Variants in STS observed in about 807,000 individuals in gnomAD.
STS encodes steryl-sulfatase.
STS carries 7 observed loss-of-function variants against 26.8 expected under a neutral mutation model. That is an observed-to-expected ratio of 0.26 (90% confidence interval 0.15 to 0.49). The LOEUF (loss-of-function observed/expected upper bound fraction) is 0.49. STS is among the 20% of genes least tolerant of loss of function. STS has a pLI of 0.98. For synonymous variants in STS, 199 were observed against 189.4 expected (o/e 1.05, Z -0.42); for missense variants, 434 against 465.6 (o/e 0.93, Z 0.63).
chrX:7,157,933 G>A (rs1601619218), intron 1 of STS, among the ~76,000 whole-genome samples: 1 of 112,055 alleles, frequency 8.9e-6, no homozygotes, highest in Middle Eastern at 4.6e-3. Flanking sequence ...ATGGCATTCT[G>A]TAGGAATTTT....
intron 2 of STS, among the ~76,000 whole-genome samples, chrX:7,193,466 G>A (rs1357590594): frequency 1.9e-5 from 2 of 105,077 alleles, no homozygotes; most frequent in African/African-American, 7.0e-5. Context: ...TTTTTTTTCG[G>A]TCATTTTAGT....
rs771583175 is a variant in STS at position 7,325,430 on chromosome X, G to C, written c.1173G>C (p.Glu391Asp). The C allele has an allele frequency of 1.7e-6, 2 of 1,211,457 alleles. No homozygotes were observed. Among genetic ancestry groups the C allele is most frequent in the South Asian group, 1.8e-5 (1 of 56,978 alleles). Residue 391 changes from glutamate (E) to aspartate (D), a missense_variant, in exon 9 of 11, where the codon GAG becomes GAC. This residue lies in a region of STS where 205 missense variants were observed against 177.3 expected (regional missense o/e 1.16). Coordinates refer to ENST00000674429, the MANE Select transcript of STS (RefSeq NM_001320752.2). ...RVIQAGQKIDEPTSNMDIFPT... is the reference protein window; with the variant it reads ...RVIQAGQKIDDPTSNMDIFPT... ...TACAGGCTGGCCAGAAGATTGATGAGCCCACTAGCAACATGGACATATTTC... is the reference window on the plus strand; with the variant it reads ...TACAGGCTGGCCAGAAGATTGATGACCCCACTAGCAACATGGACATATTTC...
chrX:7,195,984 G>A (rs1307098986), intron 2 of STS, among the ~76,000 whole-genome samples: 4 of 112,469 alleles, frequency 3.6e-5, no homozygotes, highest in African/African-American at 6.5e-5. Context: ...CATCTTAGCC[G>A]TGATTTCTTT....
rs184960814 is a variant in STS, at chrX:7,168,253, T to C, written c.-134+20170T>C. Among the ~76,000 whole-genome samples the C allele has an allele frequency of 1.4e-4, 16 of 111,153 alleles. No homozygotes were observed. In the East Asian group the frequency reaches 4.6e-3, roughly 32 times the overall value. On this transcript the variant is annotated intron_variant, in intron 1 of 10. Coordinates refer to ENST00000674429, the MANE Select transcript of STS (RefSeq NM_001320752.2). ...GTGAGTGCACCTGGGAACTGAATTA[T>C]AATGTAGGGAAAAATGTGTTCTGAG... is the stretch of plus-strand genomic sequence containing the variant.
chrX:7,237,279 A>G (rs1407228205), intron 2 of STS, among the ~76,000 whole-genome samples: 5 of 109,309 alleles, frequency 4.6e-5, no homozygotes, highest in Non-Finnish European at 7.6e-5. Context: ...AAGGCCTTTT[A>G]AATACAAACA....
intron 7 of STS, among the ~76,000 whole-genome samples, chrX:7,286,690 C>G (rs1487429305): frequency 9.0e-6 from 1 of 111,682 alleles, no homozygotes; most frequent in Non-Finnish European, 1.9e-5. Context: ...ATGCGTGATT[C>G]TCTTTCCACG....
intron 10 of STS, among the ~76,000 whole-genome samples, chrX:7,340,672 A>T (rs1391825267): frequency 8.9e-6 from 1 of 112,224 alleles, no homozygotes; most frequent in Non-Finnish European, 1.9e-5. Flanking sequence ...CAATAAAAAA[A>T]AACAGTAGTT....
intron 2 of STS, among the ~76,000 whole-genome samples, chrX:7,248,093 A>C (rs1458301815): frequency 8.9e-6 from 1 of 111,959 alleles, no homozygotes; most frequent in African/African-American, 3.2e-5. Flanking sequence ...CTACTTCAAA[A>C]TGTTATTGAT....
chrX:7,189,678 C>A (rs1411497120), intron 1 of STS, among the ~76,000 whole-genome samples: 1 of 112,412 alleles, frequency 8.9e-6, no homozygotes, highest in Non-Finnish European at 1.9e-5. Context: ...CAGAAAACAT[C>A]TATTGAGTGT....
At chrX:7,161,376 G>T (rs1305441362) in intron 1 of STS, among the ~76,000 whole-genome samples, 5 of 112,087 alleles carry the variant, frequency 4.5e-5, no homozygotes, top group African/African-American at 1.6e-4. Flanking sequence ...AAAGAACTAG[G>T]TTAACTGAAG....
chrX:7,164,857 C>A (rs1460584338), intron 1 of STS, among the ~76,000 whole-genome samples: 6 of 103,818 alleles, frequency 5.8e-5, no homozygotes, highest in Non-Finnish European at 9.8e-5. Flanking sequence ...AAAAAAAAAA[C>A]ACACACACAC....
rs1465310019 is a variant in STS at position 7,352,985 on chromosome X, G to A, written c.*2724G>A. On this transcript the variant is annotated 3_prime_UTR_variant, in exon 11 of 11. Transcript: ENST00000674429. ...AAAACAAGTATTTGGCTTGTCACAG[G>A]AATCTGATTGCATTAAGTGAAAGGA... The A allele has an allele frequency of 9.0e-6, 1 of 111,555 alleles. No homozygotes were observed. The allele number at this position is 111,555 out of a possible 1,213,427, so 9.2% of individuals were successfully genotyped here. A position where few individuals can be genotyped will look rare whatever the true frequency, so the allele number is the denominator to read the frequency against.
At chrX:7,220,291 C>T (rs1010953461) in intron 2 of STS, among the ~76,000 whole-genome samples, 9 of 111,070 alleles carry the variant, frequency 8.1e-5, no homozygotes, top group Admixed American at 2.9e-4. Flanking sequence ...CCGACAGATG[C>T]GGCTTTTCAC....
At chrX:7,308,584 G>C (rs1157447523) in intron 8 of STS, among the ~76,000 whole-genome samples, 1 of 111,600 alleles carries the variant, frequency 9.0e-6, no homozygotes. Flanking sequence ...AACCCTGCAA[G>C]CATGTCAGGA....
chrX:7,257,586 T>C lies in STS; in HGVS notation c.380T>C (p.Ile127Thr). ...LKDQGYSTAL[I>T]GKWHLGMSCH... ...GATCAAGGTTATTCAACAGCACTGA[T>C]AGGTATGGACATCTATGGGATGGGA... The change falls in exon 5 of 11, where the codon ATA (isoleucine) becomes ACA (threonine). Residue 127 changes from isoleucine (I) to threonine (T), a missense_variant and splice_region_variant. By Grantham distance (89) the Ile-to-Thr change is moderately conservative. Transcript: ENST00000674429. The C allele has an allele frequency of 8.3e-7, 1 of 1,211,510 alleles. No individual in the cohort carries two copies. Among genetic ancestry groups the C allele is most frequent in the Non-Finnish European group, 1.1e-6 (1 of 895,395 alleles).
chrX:7,169,579 C>A (rs1933422319), intron 1 of STS, among the ~76,000 whole-genome samples: 1 of 111,742 alleles, frequency 8.9e-6, no homozygotes. Context: ...TATGGTAATT[C>A]AACTTTTTAA....
At chrX:7,201,855 CTA>C (rs1934079187) in intron 2 of STS, among the ~76,000 whole-genome samples, 1 of 111,079 alleles carries the variant, frequency 9.0e-6, no homozygotes, top group Admixed American at 9.6e-5. Flanking sequence ...AAGGAATTGT[CTA>C]TGTTTGTTGC....
chrX:7,325,148 G>C (rs1011785427), intron 8 of STS, among the ~76,000 whole-genome samples, 191 bp from the exon 9 acceptor site: 1 of 111,588 alleles, frequency 9.0e-6, no homozygotes, highest in African/African-American at 3.3e-5. Flanking sequence ...CACATATGGT[G>C]GTGACTGTAT....
In STS at chrX:7,221,804, G is replaced by A. The variant is rs73627540; in HGVS notation, c.-5+30796G>A. 9.3e-4 allele frequency among the ~76,000 whole-genome samples: 104 copies of A among 111,967 alleles called. 1 individual carries two copies. Among genetic ancestry groups the A allele is most frequent in the African/African-American group, 3.2e-3 (99 of 30,874 alleles). On this transcript the variant is annotated intron_variant, in intron 2 of 10. Transcript: ENST00000674429. ...CGCCTCTAGGCAGTAAATGTTTATCGGTGGACATTCACCTAATATACACAG... is the reference window on the plus strand; with the variant it reads ...CGCCTCTAGGCAGTAAATGTTTATCAGTGGACATTCACCTAATATACACAG...
Sources: allele counts gnomAD v4.1 joint callset (sites outside exome capture counted in the v4.1 genomes callset), GRCh38; gene constraint gnomAD v4.1.1; regional missense constraint gnomAD v4.1.1; transcripts MANE v1.5; gene names NCBI Gene and HGNC (gene_info 2026-07-23, HGNC 2026-07-21).